Variants in NWD2 observed in about 807,000 individuals in gnomAD.
NWD2 encodes NACHT and WD repeat domain-containing protein 2.
NWD2 carries 37 observed loss-of-function variants against 132.7 expected under a neutral mutation model. That is an observed-to-expected ratio of 0.28 (90% confidence interval 0.21 to 0.37). The LOEUF is 0.37. Among genes scored for constraint, NWD2 ranks in the 10% least tolerant of loss-of-function variants. NWD2 has a pLI of 1.00. For synonymous variants in NWD2, 705 were observed against 803.0 expected (o/e 0.88, Z 2.06); for missense variants, 1,592 against 2,122.4 (o/e 0.75, Z 4.91).
intron 3 of NWD2, among the ~76,000 whole-genome samples, chr4:37,384,831 A>G (rs544579847): frequency 6.6e-6 from 1 of 152,190 alleles, no homozygotes; most frequent in Non-Finnish European, 1.5e-5. Flanking sequence ...TCTTGCCTGC[A>G]TAAAAATAGC....
rs111313056 is a variant in NWD2 at position 37,324,507 on chromosome 4, G to A, written c.152-1429G>A. Reference sequence around the variant, plus strand: ...TTTTCAGCTCTTAAAATGGAGCAAGGGAGGATGGGCATTCTGATCTCAAGA... The same window carrying A: ...TTTTCAGCTCTTAAAATGGAGCAAGAGAGGATGGGCATTCTGATCTCAAGA... On this transcript the variant is annotated intron_variant, in intron 1 of 6. Coordinates refer to ENST00000309447, the MANE Select transcript of NWD2 (RefSeq NM_001144990.2). Among the ~76,000 whole-genome samples, 1,424 of 152,130 alleles carry A rather than the reference G, an allele frequency of 9.4e-3. 55 individuals are homozygous for A. The East Asian group carries it at 0.13, about 13-fold the overall frequency.
intron 3 of NWD2, among the ~76,000 whole-genome samples, chr4:37,419,189 C>A (rs1379402905): frequency 6.6e-6 from 1 of 152,110 alleles, no homozygotes; most frequent in Admixed American, 6.6e-5. Context: ...GGAAAACTGG[C>A]TAGCCATATG....
intron 3 of NWD2, among the ~76,000 whole-genome samples, chr4:37,361,687 C>T (rs1313922415): frequency 1.3e-5 from 2 of 152,104 alleles, no homozygotes; most frequent in Non-Finnish European, 2.9e-5. Context: ...ATAATAAGAG[C>T]CATCTATGAC....
chr4:37,284,437 A>G (rs545616339), intron 1 of NWD2, among the ~76,000 whole-genome samples: 1 of 152,358 alleles, frequency 6.6e-6, no homozygotes, highest in African/African-American at 2.4e-5. Context: ...GAGCTATCCC[A>G]TCCAGAGTCC....
At chr4:37,408,992 C>T (rs975391676) in intron 3 of NWD2, among the ~76,000 whole-genome samples, 3 of 151,976 alleles carry the variant, frequency 2.0e-5, no homozygotes. Context: ...ACTCAAAGAC[C>T]CCATCCAAAG....
chr4:37,354,371 CTGTG>C, intron 2 of NWD2, among the ~76,000 whole-genome samples: 1 of 152,276 alleles, frequency 6.6e-6, no homozygotes, highest in Non-Finnish European at 1.5e-5. Context: ...AGCTTGAGAG[CTGTG>C]CTGGGAGATC....
chr4:37,253,954 A>C (rs1577644984), intron 1 of NWD2, among the ~76,000 whole-genome samples: 1 of 152,322 alleles, frequency 6.6e-6, no homozygotes, highest in South Asian at 2.1e-4. Flanking sequence ...CAGTAACAGA[A>C]AACCAAATAC....
chr4:37,363,672 T>G (rs773014781), intron 3 of NWD2, among the ~76,000 whole-genome samples: 3 of 152,030 alleles, frequency 2.0e-5, no homozygotes, highest in African/African-American at 4.8e-5. Context: ...GCACAGAGAA[T>G]GAGGGAGGGG....
At chr4:37,325,081 G>A (rs559713746) in intron 1 of NWD2, among the ~76,000 whole-genome samples, 14 of 152,278 alleles carry the variant, frequency 9.2e-5, no homozygotes, top group African/African-American at 2.9e-4. Flanking sequence ...GCAAGGAACA[G>A]CCTATTTGCT....
At chr4:37,332,693 C>T (rs1719318845) in intron 2 of NWD2, among the ~76,000 whole-genome samples, 1 of 152,164 alleles carries the variant, frequency 6.6e-6, no homozygotes, top group East Asian at 1.9e-4. Context: ...GAGATTCCTG[C>T]TTTAGAAAAG....
intron 3 of NWD2, among the ~76,000 whole-genome samples, chr4:37,366,395 C>G (rs1196074223): frequency 6.6e-6 from 1 of 151,828 alleles, no homozygotes; most frequent in African/African-American, 2.4e-5. Flanking sequence ...GAAAGGAACC[C>G]CTAAATAACC....
At chr4:37,273,063 G>C (rs999380024) in intron 1 of NWD2, among the ~76,000 whole-genome samples, 16 of 151,902 alleles carry the variant, frequency 1.1e-4, no homozygotes, top group Non-Finnish European at 7.4e-5. Context: ...AGGCCTCTCT[G>C]TAGTGTTTGT....
At chr4:37,396,887 G>C (rs921686493) in intron 3 of NWD2, among the ~76,000 whole-genome samples, 5 of 152,120 alleles carry the variant, frequency 3.3e-5, no homozygotes, top group African/African-American at 1.2e-4. Flanking sequence ...ACAAAAATTA[G>C]CCGGGTGTGG....
intron 1 of NWD2, among the ~76,000 whole-genome samples, chr4:37,276,292 T>TGAACAG (rs1718011305): frequency 4.7e-5 from 7 of 148,326 alleles, no homozygotes; most frequent in East Asian, 2.0e-4. Context: ...GGGCAAAGGA[T>TGAACAG]ACACTTCTCA....
chr4:37,416,228 C>A (rs1358227035), intron 3 of NWD2, among the ~76,000 whole-genome samples: 1 of 152,182 alleles, frequency 6.6e-6, no homozygotes, highest in Non-Finnish European at 1.5e-5. Context: ...GAACTAGGAT[C>A]CACAGGCGCC....
chr4:37,317,270 T>G (rs1167173558), intron 1 of NWD2, among the ~76,000 whole-genome samples: 4 of 152,188 alleles, frequency 2.6e-5, no homozygotes, highest in Non-Finnish European at 4.4e-5. Context: ...GTAAACAGCT[T>G]TCAATCTTTC....
intron 1 of NWD2, among the ~76,000 whole-genome samples, chr4:37,324,598 C>T (rs1044981035): frequency 2.6e-5 from 4 of 152,252 alleles, no homozygotes; most frequent in South Asian, 4.1e-4. Context: ...GCATGGGCCC[C>T]GCTTTCATGT....
In NWD2 at chr4:37,299,206, A is replaced by G. The variant is rs148965891; in HGVS notation, c.152-26730A>G. ...CTTTTTCAAATCTGTAATACAAAAC[A>G]TTTCCCTCTGTGCCTTTCTGTAAGA... On this transcript the variant is annotated intron_variant, in intron 1 of 6. Coordinates refer to ENST00000309447, the MANE Select transcript of NWD2 (RefSeq NM_001144990.2). Among the ~76,000 whole-genome samples the G allele has an allele frequency of 2.0e-5, 3 of 152,168 alleles. No homozygotes were observed. The East Asian group carries it at 5.8e-4, about 29-fold the overall frequency.
At chr4:37,283,030 G>A (rs546557988) in intron 1 of NWD2, among the ~76,000 whole-genome samples, 41 of 152,148 alleles carry the variant, frequency 2.7e-4, no homozygotes, top group South Asian at 2.1e-4. Flanking sequence ...GTGTGTTGTC[G>A]CACCAGGGAC....
Sources: allele counts gnomAD v4.1 joint callset (sites outside exome capture counted in the v4.1 genomes callset), GRCh38; gene constraint gnomAD v4.1.1; transcripts MANE v1.5; gene names NCBI Gene and HGNC (gene_info 2026-07-23, HGNC 2026-07-21).